The following NOS2 variants were observed in gnomAD, a reference collection of about 807,000 sequenced individuals.
NOS2 encodes nitric oxide synthase, inducible.
Under a neutral mutation model 136.0 loss-of-function variants are expected in NOS2, and 96 were observed. That is an observed-to-expected ratio of 0.71 (90% confidence interval 0.60 to 0.84). The LOEUF (loss-of-function observed/expected upper bound fraction) is 0.84, where lower values mean the gene tolerates loss of function less well. Ranked by LOEUF, NOS2 falls within the 40% of genes least tolerant of loss-of-function variation. The probability of loss-of-function intolerance (pLI) is 0.00; values close to 1 mark genes in which losing one functional copy is unlikely to be tolerated. For missense variants in NOS2, 1,237 were observed against 1,496.9 expected (o/e 0.83, Z 2.87); for synonymous variants, 539 against 587.5 (o/e 0.92, Z 1.20).
At chr17:27,793,645 C>A (rs1909262568) in intron 2 of NOS2, 1 of 397,228 alleles carries the variant, frequency 2.5e-6, no homozygotes, top group Admixed American at 4.4e-5. Flanking sequence ...GAGCAGCCTG[C>A]ACAGCCGGGG....
In NOS2 at chr17:27,780,817, G is replaced by A. The variant is rs1235698456; in HGVS notation, c.954C>T (p.Leu318=). The A allele has an allele frequency of 6.2e-7, 1 of 1,614,206 alleles. No individual in the cohort carries two copies. Among genetic ancestry groups the A allele is most frequent in the Admixed American group, 1.7e-5 (1 of 60,034 alleles). The change falls in exon 9 of 27, where the codon CTC becomes CTT. Residue 318 remains leucine, a synonymous_variant. Transcript: ENST00000313735. The stretch of plus-strand genomic sequence containing the variant: ...GCACAAGGTCAGGTGGGATTTCGAA[G>A]AGCTCAGGGTCACGGCCATTGGCCT... ...VLQANGRDPE[L]FEIPPDLVLE... is the part of the protein sequence containing the mutation.
chr17:27,771,733 G>T (rs1220667264), intron 14 of NOS2, among the ~76,000 whole-genome samples: 1 of 152,248 alleles, frequency 6.6e-6, no homozygotes, highest in Non-Finnish European at 1.5e-5. Context: ...CATTAACAAT[G>T]GCATTGACGC....
Position 27,766,372 on chromosome 17 carries a change from G to A in NOS2, c.2246+138C>T, listed in dbSNP as rs1433345447. 5.0e-5 allele frequency: 39 copies of A among 777,484 alleles called. No homozygotes were observed. In the East Asian group the frequency reaches 5.8e-4, roughly 12 times the overall value. The allele number at this position is 777,484 out of a possible 1,614,324, so 48.2% of individuals were successfully genotyped here. ...GTGGCCGCAGGTTACCAGGTGGGCC[G>A]GTCCTACCGACAGTGTGGCTGCTAA... is the stretch of plus-strand genomic sequence containing the variant. On this transcript the variant is annotated intron_variant, in intron 19 of 26. Transcript: ENST00000313735.
At chr17:27,764,690 C>A (rs369714390) in intron 20 of NOS2, among the ~76,000 whole-genome samples, 1 of 152,354 alleles carries the variant, frequency 6.6e-6, no homozygotes, top group African/African-American at 2.4e-5. Flanking sequence ...TGGGCCTTGG[C>A]TTCCCTCCCT....
chr17:27,778,789 T>G lies in NOS2; in HGVS notation c.1182A>C (p.Glu394Asp), dbSNP rs752553882. The G allele has an allele frequency of 6.8e-6, 11 of 1,614,112 alleles. No individual in the cohort carries two copies. The highest frequency in any genetic ancestry group is 9.3e-6 in the Non-Finnish European group (11 of 1,179,964). The change falls in exon 11 of 27, where the codon GAA becomes GAC. Residue 394 changes from glutamate to aspartate, a missense_variant and splice_region_variant. Transcript: ENST00000313735. ...TTTCCAGGCCCATTCTCCTGCCCAC[T>G]TCCTACAGAGGCAGAGTGATAGCGG... ...CDVQRYNILE[E>D]VGRRMGLETH...
At chr17:27,775,202 G>A (rs1908621770) in intron 11 of NOS2, among the ~76,000 whole-genome samples, 1 of 152,220 alleles carries the variant, frequency 6.6e-6, no homozygotes, top group African/African-American at 2.4e-5. Flanking sequence ...GCTCATGCCT[G>A]TAATCCTAGC....
chr17:27,766,457 G>T lies in NOS2; in HGVS notation c.2246+53C>A. On this transcript the variant is annotated intron_variant, in intron 19 of 26. Coordinates refer to ENST00000313735, the MANE Select transcript of NOS2 (RefSeq NM_000625.4). ...ACTGACTTCTTCTGATCTTTCATTC[G>T]TTAAAATAAAATCGACAGAGTATCA... 5 of 1,432,844 alleles carry T rather than the reference G, an allele frequency of 3.5e-6. No homozygotes were observed. In the South Asian group the frequency reaches 4.6e-5, roughly 13 times the overall value. 88.8% of individuals were successfully genotyped at this position (1,432,844 alleles called of 1,614,324 possible). A position where few individuals can be genotyped will look rare whatever the true frequency, so the allele number is the denominator to read the frequency against.
At chr17:27,799,104 AC>A (rs28998799) in intron 1 of NOS2, among the ~76,000 whole-genome samples, 8,038 of 151,346 alleles carry the variant, frequency 0.053, 448 homozygotes, top group East Asian at 0.31. Flanking sequence ...AAAACAATGA[AC>A]CCCCCCATCC....
chr17:27,769,733 G>A (rs952503521), intron 15 of NOS2, 149 bp from the exon 16 acceptor site: 1 of 681,480 alleles, frequency 1.5e-6, no homozygotes, highest in Admixed American at 2.3e-5. Context: ...ACCTGGCCAA[G>A]GACCTGGTTG....
At position 27,783,073 on chromosome 17, in the gene NOS2, T is replaced by C; in HGVS notation, c.501A>G (p.Glu167=). 1 of 1,614,174 alleles carries C rather than the reference T, an allele frequency of 6.2e-7. No individual in the cohort carries two copies. The highest frequency in any genetic ancestry group is 8.5e-7 in the Non-Finnish European group (1 of 1,180,030). Residue 167 remains glutamate (E), a synonymous_variant, in exon 6 of 27, where the codon GAA becomes GAG. Transcript: ENST00000313735. ...TTGTTTCTATCTCCTTTGTTACCGC[T>C]TCCACCCTGGCCAGATGTTCCTCTA... ...AKIEEHLARV[E]AVTKEIETTG... is the part of the protein sequence containing the mutation.
chr17:27,767,107 G>C (rs1908329221), intron 18 of NOS2, among the ~76,000 whole-genome samples: 1 of 150,912 alleles, frequency 6.6e-6, no homozygotes, highest in Non-Finnish European at 1.5e-5. Context: ...AAAATGGAAA[G>C]TCCCGGGACA....
intron 5 of NOS2, among the ~76,000 whole-genome samples, chr17:27,784,511 A>G (rs1165122093): frequency 6.6e-6 from 1 of 152,216 alleles, no homozygotes; most frequent in Non-Finnish European, 1.5e-5. Context: ...AATGATCACC[A>G]TAACACCCAC....
intron 22 of NOS2, 46 bp from the exon 23 acceptor site, chr17:27,761,277 C>A (rs759458902): frequency 6.7e-7 from 1 of 1,491,834 alleles, no homozygotes; most frequent in Non-Finnish European, 9.1e-7. Flanking sequence ...ACTGCCCATG[C>A]GCAAACTGTA....
intron 21 of NOS2, 67 bp downstream of exon 21, chr17:27,763,914 G>C: frequency 3.0e-6 from 4 of 1,340,324 alleles, no homozygotes; most frequent in Non-Finnish European, 3.1e-6. Context: ...AACCAGCTCT[G>C]GACTCTGGCT....
At chr17:27,792,729 A>C (rs1909229576) in intron 2 of NOS2, among the ~76,000 whole-genome samples, 1 of 147,348 alleles carries the variant, frequency 6.8e-6, no homozygotes. Flanking sequence ...CTGTCATCTC[A>C]GCACTTTGGA....
intron 3 of NOS2, 44 bp downstream of exon 3, chr17:27,789,560 G>T: frequency 1.4e-6 from 2 of 1,442,054 alleles, no homozygotes; most frequent in South Asian, 1.1e-5. Flanking sequence ...CATCTGCCTG[G>T]ACCAGGGAGG....
Position 27,782,019 on chromosome 17 carries a change from T to C in NOS2, c.718A>G (p.Ile240Val), listed in dbSNP as rs773116326. Reference protein sequence around the residue: ...HVRYSTNNGNIRSAITVFPQR... With the variant: ...HVRYSTNNGNVRSAITVFPQR... ...CCCTGGGAAATGTGCACCGACCTGA[T>C]GTTGCCATTGTTGGTGGAGTAACGC... The change falls in exon 7 of 27, where the codon ATC becomes GTC. Residue 240 changes from isoleucine to valine, a missense_variant. By Grantham distance (29) the Ile-to-Val change is conservative. Transcript: ENST00000313735. 3.1e-6 allele frequency: 5 copies of C among 1,613,896 alleles called. No homozygotes were observed. The highest frequency in any genetic ancestry group is 2.7e-5 in the African/African-American group (2 of 74,916).
At chr17:27,799,799 AAAAG>A (rs1314946966) in intron 1 of NOS2, among the ~76,000 whole-genome samples, 2 of 151,914 alleles carry the variant, frequency 1.3e-5, no homozygotes, top group African/African-American at 4.8e-5. Context: ...CCAAAAAAAA[AAAAG>A]AAAGAAAGGG....
intron 2 of NOS2, among the ~76,000 whole-genome samples, chr17:27,795,389 A>G (rs1051570599): frequency 1.3e-5 from 2 of 152,238 alleles, no homozygotes; most frequent in African/African-American, 4.8e-5. Context: ...CTCATTATTG[A>G]CACAGTACTA....
Sources: gnomAD v4.1 joint callset for allele counts (sites outside exome capture counted in the v4.1 genomes callset) on GRCh38, gnomAD v4.1.1 for gene constraint, MANE v1.5 for transcripts, NCBI Gene and HGNC (gene_info 2026-07-23, HGNC 2026-07-21) for gene names.